Variants in INTS11 observed in about 807,000 individuals in gnomAD.
INTS11 encodes CPSF3-like protein.
INTS11 carries 77 observed loss-of-function variants against 78.6 expected under a neutral mutation model. The observed-to-expected ratio is 0.98, with a 90% confidence interval of 0.81 to 1.18. The LOEUF is 1.18. Among genes scored for constraint, INTS11 ranks in the 50% most tolerant of loss-of-function variants. INTS11 has a pLI of 0.00. For synonymous variants in INTS11, 441 were observed against 326.9 expected (o/e 1.35, Z -3.77); for missense variants, 875 against 825.9 (o/e 1.06, Z -0.73).
Position 1,314,421 on chromosome 1 carries a change from A to C in INTS11, c.703-56T>G. Reference sequence around the variant, plus strand: ...CACATGGCCCCTCGACACAGCAGGCAGCGTCCAGTGAGGGCACGGCCAGGT... The same window carrying C: ...CACATGGCCCCTCGACACAGCAGGCCGCGTCCAGTGAGGGCACGGCCAGGT... On this transcript the variant is annotated intron_variant, in intron 7 of 16. Coordinates refer to ENST00000435064, the MANE Select transcript of INTS11 (RefSeq NM_017871.6). This position sits in a 1 kb window ranked among gnomAD's most constrained non-coding sequence, Gnocchi z 4.2. 1 of 1,510,336 alleles carries C rather than the reference A, an allele frequency of 6.6e-7. No homozygotes were observed. The highest frequency in any genetic ancestry group is 2.1e-4 in the Middle Eastern group (1 of 4,852). 93.6% of individuals were successfully genotyped at this position (1,510,336 alleles called of 1,614,324 possible).
At chr1:1,315,812 C>T (rs1209000592) in intron 4 of INTS11, 194 bp from the exon 5 acceptor site, 2 of 9,322 alleles carry the variant, frequency 2.1e-4, no homozygotes, top group Admixed American at 1.3e-3. Flanking sequence ...GAGGCAGGGG[C>T]AGGGAGTGAG....
chr1:1,313,999 A>G (rs1642415454), intron 8 of INTS11, 78 bp from the exon 9 acceptor site: 2 of 1,450,926 alleles, frequency 1.4e-6, no homozygotes, highest in African/African-American at 1.4e-5. Flanking sequence ...GGTCACCCCC[A>G]ACACCCGTGT....
Position 1,314,256 on chromosome 1 carries a change from G to A in INTS11, c.767+45C>T, listed in dbSNP as rs1169094137. 2.6e-6 allele frequency: 4 copies of A among 1,526,064 alleles called. No individual in the cohort carries two copies. Among genetic ancestry groups the A allele is most frequent in the Middle Eastern group, 1.7e-4 (1 of 5,938 alleles). The allele number at this position is 1,526,064 out of a possible 1,614,324, so 94.5% of individuals were successfully genotyped here. A position where few individuals can be genotyped will look rare whatever the true frequency, so the allele number is the denominator to read the frequency against. On this transcript the variant is annotated intron_variant, in intron 8 of 16. Coordinates refer to ENST00000435064, the MANE Select transcript of INTS11 (RefSeq NM_017871.6). This position sits in a 1 kb window ranked among gnomAD's most constrained non-coding sequence, Gnocchi z 4.2. ...CTGCCCACCAACTGGACTGTGTTCA[G>A]GCCGGGCCAGGGGCTCCTTAAAGAG...
intron 1 of INTS11, chr1:1,322,677 G>A (rs1340666725): frequency 8.0e-6 from 1 of 125,422 alleles, no homozygotes; most frequent in African/African-American, 3.2e-5. Context: ...GGACCAGCAG[G>A]GGGAGGGACG....
At chr1:1,320,323 C>G (rs757977805) in intron 3 of INTS11, 133 bp downstream of exon 3, 8 of 799,836 alleles carry the variant, frequency 1.0e-5, no homozygotes, top group Non-Finnish European at 1.5e-5. Flanking sequence ...GGGAGCAGAT[C>G]CTGGGGCCTA....
chr1:1,319,894 C>T (rs2100621773), intron 3 of INTS11: 1 of 252,674 alleles, frequency 4.0e-6, no homozygotes. Flanking sequence ...GCCTGGCAAG[C>T]CCCAGGAAGG....
At position 1,314,490 on chromosome 1, in the gene INTS11, C is replaced by T; in HGVS notation, c.703-125G>A. On this transcript the variant is annotated intron_variant, in intron 7 of 16. Transcript: ENST00000435064. This position sits in a 1 kb window ranked among gnomAD's most constrained non-coding sequence, Gnocchi z 4.2. ...CATAGGGACCTTAGCCTCTCATCTG[C>T]TCCCAGTCCCGTCCCAGCCGCTCTC... 1 of 823,394 alleles carries T rather than the reference C, an allele frequency of 1.2e-6. No homozygotes were observed. The highest frequency in any genetic ancestry group is 1.9e-6 in the Non-Finnish European group (1 of 528,706). The allele number at this position is 823,394 out of a possible 1,614,324, so 51.0% of individuals were successfully genotyped here. A position where few individuals can be genotyped will look rare whatever the true frequency, so the allele number is the denominator to read the frequency against.
In INTS11 at chr1:1,317,485, C is replaced by A. The variant is rs75908612; in HGVS notation, c.429+1811G>T. 5.2e-4 allele frequency: 502 copies of A among 972,492 alleles called. 6 individuals carry two copies. In the East Asian group the frequency reaches 0.034, roughly 67 times the overall value. 60.2% of individuals were successfully genotyped at this position (972,492 alleles called of 1,614,324 possible). A position where few individuals can be genotyped will look rare whatever the true frequency, so the allele number is the denominator to read the frequency against. The stretch of plus-strand genomic sequence containing the variant: ...AAGAGAATCCATGAACTGAAAGACA[C>A]CAGAGGGAATATCCATCAGGAAACA... On this transcript the variant is annotated intron_variant, in intron 4 of 16. Transcript: ENST00000435064.
In INTS11 at chr1:1,319,341, G is replaced by C; in HGVS notation, c.384C>G (p.Asp128Glu). Reference protein sequence around the residue: ...ANFFTSQMIKDCMKKVVAVHL... With the variant: ...ANFFTSQMIKECMKKVVAVHL... The stretch of plus-strand genomic sequence containing the variant: ...GGACAGCCACCACCTTCTTCATGCA[G>C]TCTTTGATCATCTGGGAGGTGAAGA... Residue 128 changes from aspartate to glutamate, a missense_variant, in exon 4 of 17, where the codon GAC becomes GAG. Coordinates refer to ENST00000435064, the MANE Select transcript of INTS11 (RefSeq NM_017871.6). 6.2e-7 allele frequency: 1 copy of C among 1,613,348 alleles called. No individual in the cohort carries two copies.
chr1:1,311,841 C>CT lies in INTS11; in HGVS notation c.*17dup, dbSNP rs773596832. On this transcript the variant is annotated 3_prime_UTR_variant, in exon 17 of 17. Transcript: ENST00000435064. ...AGCTGGGAGAGGGCAGAGGTGGCGG[C>CT]TGGGTGAGTTGCCGGCCTCAGCTGG... is the stretch of plus-strand genomic sequence containing the variant. 2 of 1,539,436 alleles carry CT rather than the reference C, an allele frequency of 1.3e-6. No individual in the cohort carries two copies. Among genetic ancestry groups the CT allele is most frequent in the Admixed American group, 4.1e-5 (2 of 49,132 alleles).
At chr1:1,315,028 A>C in intron 6 of INTS11, 66 bp from the exon 7 acceptor site, 1 of 1,578,588 alleles carries the variant, frequency 6.3e-7, no homozygotes, top group Non-Finnish European at 8.7e-7. Flanking sequence ...GCTGGGTGTG[A>C]CAAGCTGGAC....
rs1642912443 is a variant in INTS11, at chr1:1,320,982, C to G, written c.126+14G>C. 6.2e-7 allele frequency: 1 copy of G among 1,611,068 alleles called. No individual in the cohort carries two copies. Among genetic ancestry groups the G allele is most frequent in the South Asian group, 1.1e-5 (1 of 91,064 alleles). The stretch of plus-strand genomic sequence containing the variant: ...GCTCTCCCAGCCTCTGGGCCTCCTG[C>G]CCAAGGGACTCACGTCGTCATTGAA... On this transcript the variant is annotated intron_variant, in intron 2 of 16. Coordinates refer to ENST00000435064, the MANE Select transcript of INTS11 (RefSeq NM_017871.6).
At position 1,314,754 on chromosome 1, in the gene INTS11, C is replaced by T; in HGVS notation, c.702+70G>A. On this transcript the variant is annotated intron_variant, in intron 7 of 16. Transcript: ENST00000435064. This position sits in a 1 kb window ranked among gnomAD's most constrained non-coding sequence, Gnocchi z 4.2. The stretch of plus-strand genomic sequence containing the variant: ...CTGAGACCCTGACCCATGCCAAGGG[C>T]AGCCAAGCCTGCCAGAAAGACCAGC... 6.4e-7 allele frequency: 1 copy of T among 1,550,730 alleles called. No individual in the cohort carries two copies. Among genetic ancestry groups the T allele is most frequent in the South Asian group, 1.2e-5 (1 of 83,926 alleles).
At position 1,320,677 on chromosome 1, in the gene INTS11, C is replaced by A; in HGVS notation, c.127-148G>T. On this transcript the variant is annotated intron_variant, in intron 2 of 16. Coordinates refer to ENST00000435064, the MANE Select transcript of INTS11 (RefSeq NM_017871.6). ...CCCATCCCGCAGGTGGCACCAGGAC[C>A]CCTGGCTGCTCACAGCATCCGGAGG... 3 of 831,226 alleles carry A rather than the reference C, an allele frequency of 3.6e-6. 1 individual carries two copies. In the Admixed American group the frequency reaches 5.5e-5, roughly 15 times the overall value. The allele number at this position is 831,226 out of a possible 1,614,324, so 51.5% of individuals were successfully genotyped here. A position where few individuals can be genotyped will look rare whatever the true frequency, so the allele number is the denominator to read the frequency against.
intron 4 of INTS11, chr1:1,318,647 CAAA>C (rs372595666): frequency 2.3e-4 from 75 of 320,376 alleles, no homozygotes; most frequent in South Asian, 6.3e-4. Context: ...GAGACACTGT[CAAA>C]AAAAAAAAAA....
intron 3 of INTS11, 67 bp downstream of exon 3, chr1:1,320,389 C>A: frequency 6.6e-7 from 1 of 1,505,978 alleles, no homozygotes; most frequent in Non-Finnish European, 9.2e-7. Flanking sequence ...CTGCCGAGAC[C>A]AAGCAAGGTG....
Position 1,312,054 on chromosome 1 carries a change from TG to T in INTS11, c.1700del (p.Pro567GlnfsTer25). On this transcript the variant is annotated frameshift_variant, in exon 16 of 17. Transcript: ENST00000435064. LOFTEE classifies it high-confidence loss of function. Reference sequence around the variant, plus strand: ...AGGAGACCAGCAGCACCTTGGTGCCTGGGTCCTCAGAAGGGGCGGCGGCCTG... The same window carrying T: ...AGGAGACCAGCAGCACCTTGGTGCCTGGTCCTCAGAAGGGGCGGCGGCCTG... ...LLQAAAPSED[P>X]GTKVLLVSWT... The T allele has an allele frequency of 1.9e-6, 3 of 1,573,536 alleles. No homozygotes were observed. The highest frequency in any genetic ancestry group is 2.6e-6 in the Non-Finnish European group (3 of 1,158,704).
At chr1:1,317,973 C>G (rs1238736515) in intron 4 of INTS11, 1 of 152,124 alleles carries the variant, frequency 6.6e-6, no homozygotes, top group Non-Finnish European at 1.5e-5. Flanking sequence ...TCACGCCATT[C>G]TCCTGCCTTT....
chr1:1,322,920 C>G (rs947625962), intron 1 of INTS11: 2 of 1,331,882 alleles, frequency 1.5e-6, no homozygotes, highest in South Asian at 1.8e-5. Flanking sequence ...GAGAATATAC[C>G]CAGGTACAGA....
Sources: gnomAD v4.1 joint callset for allele counts on GRCh38, gnomAD v4.1.1 for gene constraint, Gnocchi (gnomAD v3.1) non-coding constraint, MANE v1.5 for transcripts, NCBI Gene and HGNC (gene_info 2026-07-23, HGNC 2026-07-21) for gene names.